Variants in CLSTN2 observed in about 807,000 individuals in gnomAD.
The protein encoded by CLSTN2 is calsyntenin 2.
Under a neutral mutation model 101.2 loss-of-function variants are expected in CLSTN2, and 48 were observed. The observed-to-expected ratio is 0.47, with a 90% CI of 0.38 to 0.60. The LOEUF (loss-of-function observed/expected upper bound fraction) is 0.60. Among genes scored for constraint, CLSTN2 ranks in the 20% least tolerant of loss-of-function variants. CLSTN2 has a pLI of 0.00. For synonymous variants in CLSTN2, 481 were observed against 463.6 expected (o/e 1.04, Z -0.48); for missense variants, 1,160 against 1,238.2 (o/e 0.94, Z 0.95).
intron 2 of CLSTN2, among the ~76,000 whole-genome samples, chr3:140,341,710 A>G (rs2107936437): frequency 6.6e-6 from 1 of 152,212 alleles, no homozygotes; most frequent in South Asian, 2.1e-4. Flanking sequence ...GGGGCCCCAC[A>G]CCTCCAGTGG....
At chr3:140,308,989 T>C (rs1452397128) in intron 2 of CLSTN2, among the ~76,000 whole-genome samples, 1 of 152,238 alleles carries the variant, frequency 6.6e-6, no homozygotes, top group Non-Finnish European at 1.5e-5. Context: ...AGCTGTGTAA[T>C]CTTTAAGCCA....
chr3:140,434,579 A>G (rs988521521), intron 5 of CLSTN2, among the ~76,000 whole-genome samples: 3 of 152,214 alleles, frequency 2.0e-5, no homozygotes. Flanking sequence ...AGCTTCCCCA[A>G]GAAGGTGGCA....
At chr3:140,403,486 A>T in intron 2 of CLSTN2, 143 bp from the exon 3 acceptor site, 2 of 707,324 alleles carry the variant, frequency 2.8e-6, no homozygotes, top group Non-Finnish European at 4.9e-6. Flanking sequence ...GGCAATGCTG[A>T]TGCTGCTGGC....
At chr3:140,134,722 G>A (rs141564483) in intron 1 of CLSTN2, among the ~76,000 whole-genome samples, 2,105 of 152,130 alleles carry the variant, frequency 0.014, 48 homozygotes, top group African/African-American at 0.047. Flanking sequence ...ACTGTACAAC[G>A]GCGATCATCA....
rs1458615524 is a variant in CLSTN2, at chr3:140,404,606, C to T, written c.477C>T (p.Thr159=). The T allele has an allele frequency of 2.5e-6, 4 of 1,614,200 alleles. No homozygotes were observed. Among genetic ancestry groups the T allele is most frequent in the African/African-American group, 1.3e-5 (1 of 75,062 alleles). ...QVKDVNEFAP[T]FKEPAYKAVV... ...AGGATGTCAACGAGTTTGCTCCCACCTTCAAAGAGCCAGCCTACAAGGCTG... is the reference window on the plus strand; with the variant it reads ...AGGATGTCAACGAGTTTGCTCCCACTTTCAAAGAGCCAGCCTACAAGGCTG... Residue 159 remains threonine, a synonymous_variant, in exon 4 of 17, where the codon ACC becomes ACT. Transcript: ENST00000458420.
At chr3:140,332,599 A>C (rs2087394684) in intron 2 of CLSTN2, among the ~76,000 whole-genome samples, 1 of 152,092 alleles carries the variant, frequency 6.6e-6, no homozygotes, top group South Asian at 2.1e-4. Context: ...TAGTCTTTTA[A>C]ACCTGGAAGG....
intron 8 of CLSTN2, among the ~76,000 whole-genome samples, chr3:140,483,594 C>G (rs200095296): frequency 0.09 from 13,629 of 152,082 alleles, 1,004 homozygotes; most frequent in East Asian, 0.31. Context: ...CTTTGTAGGT[C>G]TCTAAGGACT....
intron 2 of CLSTN2, among the ~76,000 whole-genome samples, chr3:140,230,489 T>C (rs530597669): frequency 8.9e-4 from 135 of 152,184 alleles, no homozygotes; most frequent in Non-Finnish European, 1.6e-3. Flanking sequence ...TATTAGGAGG[T>C]GGGGCTTTTG....
intron 5 of CLSTN2, among the ~76,000 whole-genome samples, chr3:140,447,245 G>A (rs1371656942): frequency 6.6e-6 from 1 of 152,242 alleles, no homozygotes; most frequent in Non-Finnish European, 1.5e-5. Flanking sequence ...TTTGGGATTA[G>A]TAAACTAATA....
intron 2 of CLSTN2, among the ~76,000 whole-genome samples, chr3:140,350,673 TC>T (rs1270362575): frequency 2.0e-5 from 3 of 152,208 alleles, no homozygotes; most frequent in African/African-American, 7.2e-5. Context: ...GCTTCTAAGT[TC>T]ATATATATCT....
At chr3:139,957,049 G>A (rs566616730) in intron 1 of CLSTN2, among the ~76,000 whole-genome samples, 1 of 152,288 alleles carries the variant, frequency 6.6e-6, no homozygotes, top group East Asian at 1.9e-4. Flanking sequence ...AAACTAGCAA[G>A]CTGACAGATT....
At chr3:140,179,446 T>C (rs145884129) in intron 2 of CLSTN2, among the ~76,000 whole-genome samples, 70 of 150,974 alleles carry the variant, frequency 4.6e-4, no homozygotes, top group Non-Finnish European at 7.1e-4. Flanking sequence ...GGTAAGATCT[T>C]GTCTCTACAA....
At chr3:140,443,303 T>C (rs954150363) in intron 5 of CLSTN2, among the ~76,000 whole-genome samples, 34 of 152,368 alleles carry the variant, frequency 2.2e-4, no homozygotes, top group African/African-American at 7.9e-4. Flanking sequence ...GACCACAGAA[T>C]TGGAACAATG....
At chr3:139,988,825 G>T (rs1280890877) in intron 1 of CLSTN2, among the ~76,000 whole-genome samples, 10 of 152,170 alleles carry the variant, frequency 6.6e-5, no homozygotes, top group East Asian at 1.9e-4. Flanking sequence ...ATCCTGCCTG[G>T]TTTTAGAAAT....
intron 1 of CLSTN2, 142 bp from the exon 2 acceptor site, chr3:140,175,809 T>C (rs1009326979): frequency 1.3e-6 from 1 of 799,396 alleles, no homozygotes; most frequent in Non-Finnish European, 1.9e-6. Flanking sequence ...GGGTTTAAAA[T>C]GGGATTAACA....
At chr3:139,945,701 G>A (rs1260599188) in intron 1 of CLSTN2, among the ~76,000 whole-genome samples, 1 of 152,126 alleles carries the variant, frequency 6.6e-6, no homozygotes, top group East Asian at 1.9e-4. Context: ...AATTTGCGTG[G>A]ATAACTGCAT....
chr3:140,021,412 T>A (rs544540091), intron 1 of CLSTN2, among the ~76,000 whole-genome samples: 1 of 152,298 alleles, frequency 6.6e-6, no homozygotes, highest in East Asian at 1.9e-4. Context: ...CCCAATGGCG[T>A]GGCGTACCGG....
Position 140,546,646 on chromosome 3 carries a change from A to G in CLSTN2, c.1639A>G (p.Ile547Val). ...CLQACKEGLD[I>V]NSLESLGQGI... ...GCAGGCCTGCAAGGAAGGGCTGGAC[A>G]TTAATTCCTTGGAAAGCCTTGGCCA... is the stretch of plus-strand genomic sequence containing the variant. The change falls in exon 10 of 17, where the codon ATT (isoleucine) becomes GTT (valine). Residue 547 changes from isoleucine to valine, a missense_variant. Transcript: ENST00000458420. The G allele has an allele frequency of 2.5e-6, 4 of 1,613,716 alleles. No individual in the cohort carries two copies. In the Middle Eastern group the frequency reaches 5.1e-4, roughly 207 times the overall value.
chr3:139,992,100 A>G (rs888281768), intron 1 of CLSTN2, among the ~76,000 whole-genome samples: 1 of 152,150 alleles, frequency 6.6e-6, no homozygotes, highest in Non-Finnish European at 1.5e-5. Flanking sequence ...GAAATCGACA[A>G]GTATTCTGTC....
Sources: gnomAD v4.1 joint callset for allele counts (sites outside exome capture counted in the v4.1 genomes callset) on GRCh38, gnomAD v4.1.1 for gene constraint, MANE v1.5 for transcripts, NCBI Gene and HGNC (gene_info 2026-07-23, HGNC 2026-07-21) for gene names.